The following TTC29 variants were observed in gnomAD, a reference collection of about 807,000 sequenced individuals.
TTC29 encodes tetratricopeptide repeat domain 29.
In TTC29, 49 loss-of-function variants were observed where a neutral mutation model predicts 58.1. That is an observed-to-expected ratio of 0.84 (90% CI 0.67 to 1.07). The LOEUF (loss-of-function observed/expected upper bound fraction) is 1.07, where lower values mean the gene tolerates loss of function less well. Among genes scored for constraint, TTC29 ranks in the 50% least tolerant of loss-of-function variants. The probability of loss-of-function intolerance (pLI) is 0.00; values close to 1 mark genes in which losing one functional copy is unlikely to be tolerated. For missense variants in TTC29, 582 were observed against 555.6 expected, an observed-to-expected ratio of 1.05 and a Z score of -0.48; for synonymous variants, 209 against 196.8, an observed-to-expected ratio of 1.06 and a Z score of -0.52.
chr4:146,860,100 C>A (rs1447857640), intron 8 of TTC29, among the ~76,000 whole-genome samples: 1 of 152,052 alleles, frequency 6.6e-6, no homozygotes, highest in Non-Finnish European at 1.5e-5. Context: ...ATTTGCATAT[C>A]AGCTAGATTA....
chr4:146,859,999 T>C (rs1046217504), intron 8 of TTC29, among the ~76,000 whole-genome samples: 3 of 152,084 alleles, frequency 2.0e-5, no homozygotes, highest in African/African-American at 7.2e-5. Context: ...TGCATAATGG[T>C]TTCAGCAGTA....
chr4:146,885,600 A>C (rs977249312), intron 6 of TTC29, among the ~76,000 whole-genome samples: 1 of 152,092 alleles, frequency 6.6e-6, no homozygotes. Flanking sequence ...TATTTAGATT[A>C]CTTCTTTAAG....
At chr4:146,827,816 G>A (rs1727910519) in intron 9 of TTC29, among the ~76,000 whole-genome samples, 1 of 152,124 alleles carries the variant, frequency 6.6e-6, no homozygotes, top group Non-Finnish European at 1.5e-5. Context: ...TCTACCACAA[G>A]CCAAGAGGCA....
intron 8 of TTC29, among the ~76,000 whole-genome samples, chr4:146,836,785 C>G (rs1728539811): frequency 1.3e-5 from 2 of 151,970 alleles, no homozygotes; most frequent in South Asian, 4.1e-4. Context: ...CAAATCAGAA[C>G]CACAATGAGA....
intron 4 of TTC29, among the ~76,000 whole-genome samples, chr4:146,911,365 A>G (rs1446183344): frequency 6.6e-6 from 1 of 152,184 alleles, no homozygotes; most frequent in African/African-American, 2.4e-5. Context: ...TGGGGACTGA[A>G]GGAAGACACA....
intron 11 of TTC29, among the ~76,000 whole-genome samples, chr4:146,714,565 C>G (rs1165331474): frequency 6.6e-6 from 1 of 151,080 alleles, no homozygotes; most frequent in East Asian, 1.9e-4. Context: ...CTCAACAGAC[C>G]CCAAGCTTAA....
intron 11 of TTC29, among the ~76,000 whole-genome samples, chr4:146,708,079 C>T (rs1025643612): frequency 6.6e-6 from 1 of 151,870 alleles, no homozygotes; most frequent in Non-Finnish European, 1.5e-5. Flanking sequence ...GCCTTTGACC[C>T]TTCAAACCAG....
At chr4:146,799,295 C>T (rs1453980791) in intron 11 of TTC29, among the ~76,000 whole-genome samples, 2 of 152,166 alleles carry the variant, frequency 1.3e-5, no homozygotes. Context: ...TCCATGACCT[C>T]CTCCTCATTA....
intron 10 of TTC29, among the ~76,000 whole-genome samples, chr4:146,807,611 C>A (rs1299977575): frequency 5.9e-5 from 9 of 152,148 alleles, no homozygotes; most frequent in African/African-American, 2.2e-4. Flanking sequence ...ACTATAAATA[C>A]CTCTATGCAA....
At chr4:146,736,070 CTA>C (rs1377777743) in intron 11 of TTC29, among the ~76,000 whole-genome samples, 3 of 152,120 alleles carry the variant, frequency 2.0e-5, no homozygotes, top group Non-Finnish European at 4.4e-5. Context: ...AACCAGTTTG[CTA>C]TGTTTCCTCC....
chr4:146,892,953 C>T (rs993877068), intron 6 of TTC29, among the ~76,000 whole-genome samples: 1 of 152,042 alleles, frequency 6.6e-6, no homozygotes. Context: ...GAATAAAATA[C>T]CTAGGAATCC....
At chr4:146,816,286 G>C (rs116120644) in intron 10 of TTC29, among the ~76,000 whole-genome samples, 1 of 152,128 alleles carries the variant, frequency 6.6e-6, no homozygotes, top group South Asian at 2.1e-4. Context: ...CTATGCTATA[G>C]GAGATGCTCC....
chr4:146,904,504 C>T (rs1209834573), intron 5 of TTC29, among the ~76,000 whole-genome samples: 1 of 151,906 alleles, frequency 6.6e-6, no homozygotes, highest in East Asian at 1.9e-4. Flanking sequence ...TCTTATAAAC[C>T]CCACTGTGAT....
intron 11 of TTC29, among the ~76,000 whole-genome samples, chr4:146,741,546 C>G (rs1056052601): frequency 6.6e-6 from 1 of 151,412 alleles, no homozygotes; most frequent in African/African-American, 2.4e-5. Flanking sequence ...GAACATTGCC[C>G]TAATTCAGGT....
At position 146,867,562 on chromosome 4, in the gene TTC29, G is replaced by A. The variant is rs377196022; in HGVS notation, c.821C>T (p.Ala274Val). The A allele has an allele frequency of 1.8e-5, 28 of 1,531,152 alleles. No individual in the cohort carries two copies. Among genetic ancestry groups the A allele is most frequent in the African/African-American group, 8.3e-5 (6 of 72,322 alleles). 94.8% of individuals were successfully genotyped at this position (1,531,152 alleles called of 1,614,324 possible). The change falls in exon 8 of 13, where the codon GCG becomes GTG. Residue 274 changes from alanine (A) to valine (V), a missense_variant. Physicochemically the swap from Ala to Val is moderately conservative, Grantham distance 64 (BLOSUM62 0). Coordinates refer to ENST00000325106, the MANE Select transcript of TTC29 (RefSeq NM_031956.4). ...TAAGCCCAAGTAGTAAGAGGCTTCC[G>A]CTTCCATCTTTTTGTCACTTCCTGA... ...AKEGSDKKMEAEASYYLGLAH... is the reference protein window; with the variant it reads ...AKEGSDKKMEVEASYYLGLAH...
chr4:146,804,384 A>G (rs1750453953), intron 10 of TTC29, among the ~76,000 whole-genome samples: 1 of 152,104 alleles, frequency 6.6e-6, no homozygotes, highest in African/African-American at 2.4e-5. Flanking sequence ...AGCAAGACAG[A>G]ACCATTCACT....
In TTC29 at chr4:146,889,982, A is replaced by T. The variant is rs572147836; in HGVS notation, c.586+13562T>A. ...AAAATGAAGAAACATTAAATTTCTC[A>T]TATATATTGAGTCATGCCACTCCAC... On this transcript the variant is annotated intron_variant, in intron 6 of 12. Coordinates refer to ENST00000325106, the MANE Select transcript of TTC29 (RefSeq NM_031956.4). Among the ~76,000 whole-genome samples the T allele has an allele frequency of 2.6e-5, 4 of 152,274 alleles. No homozygotes were observed. The South Asian group carries it at 8.3e-4, about 32-fold the overall frequency.
chr4:146,922,266 A>C (rs1301457785), intron 4 of TTC29, among the ~76,000 whole-genome samples: 2 of 147,800 alleles, frequency 1.4e-5, no homozygotes, highest in Non-Finnish European at 3.0e-5. Flanking sequence ...ATAAAAAAAA[A>C]CCCTAACAAA....
chr4:146,837,614 C>G (rs1728597089), intron 8 of TTC29, among the ~76,000 whole-genome samples: 1 of 151,944 alleles, frequency 6.6e-6, no homozygotes, highest in African/African-American at 2.4e-5. Context: ...AATCACTAGA[C>G]AAAGAGTGGA....
Sources: gnomAD v4.1 joint callset for allele counts (sites outside exome capture counted in the v4.1 genomes callset) on GRCh38, gnomAD v4.1.1 for gene constraint, MANE v1.5 for transcripts, NCBI Gene and HGNC (gene_info 2026-07-23, HGNC 2026-07-21) for gene names.